Variants in IL1RAPL1 observed in about 807,000 individuals in gnomAD.
IL1RAPL1 encodes interleukin 1 receptor accessory protein like 1, also known as interleukin-1 receptor accessory protein-like 1.
IL1RAPL1 carries 3 observed loss-of-function variants against 48.4 expected under a neutral mutation model. The ratio of observed to expected loss-of-function variants is 0.06; its 90% CI spans 0.03 to 0.16. IL1RAPL1 has a LOEUF of 0.16. IL1RAPL1 is among the 10% of genes least tolerant of loss of function. The pLI is 1.00. For missense variants in IL1RAPL1, 349 were observed against 530.6 expected (o/e 0.66, Z 3.36); for synonymous variants, 185 against 187.7 (o/e 0.99, Z 0.12).
intron 2 of IL1RAPL1, among the ~76,000 whole-genome samples, chrX:28,793,182 A>C (rs73208029): frequency 9.1e-6 from 1 of 109,794 alleles, no homozygotes; most frequent in Non-Finnish European, 1.9e-5. Context: ...CATGTGAAAT[A>C]TTATAGCAAT....
chrX:29,690,211 T>C (rs1926737328), intron 6 of IL1RAPL1, among the ~76,000 whole-genome samples: 1 of 111,644 alleles, frequency 9.0e-6, no homozygotes, highest in Non-Finnish European at 1.9e-5. Flanking sequence ...GCAACATTTG[T>C]GGGAAATATG....
rs761339985 is a variant in IL1RAPL1, at chrX:29,396,528, T to G, written c.549+84T>G. 133 of 850,489 alleles carry G rather than the reference T, an allele frequency of 1.6e-4. 1 individual carries two copies. The highest frequency in any genetic ancestry group is 5.5e-4 in the Middle Eastern group (2 of 3,652). The allele number at this position is 850,489 out of a possible 1,213,427, so 70.1% of individuals were successfully genotyped here. On this transcript the variant is annotated intron_variant, in intron 4 of 10. Coordinates refer to ENST00000378993, the MANE Select transcript of IL1RAPL1 (RefSeq NM_014271.4). The stretch of plus-strand genomic sequence containing the variant: ...GGACAAATTGGATAGAAAACTTAGA[T>G]GGGTGTGATATAGTTTAGCTTTGCC...
intron 5 of IL1RAPL1, among the ~76,000 whole-genome samples, chrX:29,443,675 A>G (rs1360477216): frequency 8.9e-6 from 1 of 111,963 alleles, no homozygotes; most frequent in Non-Finnish European, 1.9e-5. Flanking sequence ...ATAGTAACTT[A>G]TATAATAATC....
intron 1 of IL1RAPL1, among the ~76,000 whole-genome samples, chrX:28,721,072 T>C (rs904531890): frequency 8.9e-6 from 1 of 112,288 alleles, no homozygotes. Flanking sequence ...CATGTGCTTT[T>C]ATAGCAGCAT....
intron 5 of IL1RAPL1, among the ~76,000 whole-genome samples, chrX:29,587,155 G>A (rs2147807469): frequency 9.0e-6 from 1 of 111,264 alleles, no homozygotes; most frequent in African/African-American, 3.3e-5. Flanking sequence ...AACAACAGAG[G>A]AGTTTAGTCA....
chrX:29,836,720 T>C (rs1931016061), intron 6 of IL1RAPL1, among the ~76,000 whole-genome samples: 1 of 111,722 alleles, frequency 9.0e-6, no homozygotes. Flanking sequence ...TTGATAGATT[T>C]TTTTTTCTAG....
intron 6 of IL1RAPL1, among the ~76,000 whole-genome samples, chrX:29,757,426 C>T (rs1322367697): frequency 8.9e-6 from 1 of 111,805 alleles, no homozygotes; most frequent in Non-Finnish European, 1.9e-5. Flanking sequence ...TATTCTGTTC[C>T]TCCATGAAAT....
intron 3 of IL1RAPL1, among the ~76,000 whole-genome samples, chrX:29,327,181 A>G (rs983478192): frequency 9.0e-6 from 1 of 111,115 alleles, no homozygotes; most frequent in Admixed American, 9.6e-5. Flanking sequence ...GTGATTTAAT[A>G]TGCAGCCAGA....
intron 6 of IL1RAPL1, among the ~76,000 whole-genome samples, chrX:29,803,591 ATG>A (rs747308595): frequency 1.5e-3 from 154 of 102,158 alleles, no homozygotes; most frequent in African/African-American, 5.0e-3. Flanking sequence ...GTATCCATAT[ATG>A]TGTGTGTATA....
intron 2 of IL1RAPL1, among the ~76,000 whole-genome samples, chrX:29,263,256 G>T (rs1479582730): frequency 1.8e-5 from 2 of 111,920 alleles, no homozygotes; most frequent in Middle Eastern, 4.6e-3. Flanking sequence ...AAGAAAGAAT[G>T]AAGGACTGAT....
At chrX:29,385,802 T>A (rs1480521295) in intron 3 of IL1RAPL1, among the ~76,000 whole-genome samples, 1 of 112,511 alleles carries the variant, frequency 8.9e-6, no homozygotes. Flanking sequence ...CTGCTATGAA[T>A]ATTGGTGTAC....
intron 2 of IL1RAPL1, among the ~76,000 whole-genome samples, chrX:28,807,070 T>C (rs1249933107): frequency 1.8e-5 from 2 of 111,189 alleles, no homozygotes; most frequent in Non-Finnish European, 3.8e-5. Flanking sequence ...GAATAGTAAT[T>C]TTGCTTTCTT....
At chrX:28,818,767 T>A (rs1303516581) in intron 2 of IL1RAPL1, among the ~76,000 whole-genome samples, 1 of 110,946 alleles carries the variant, frequency 9.0e-6, no homozygotes, top group Non-Finnish European at 1.9e-5. Context: ...CTTAAGTTCC[T>A]GAGCTAAATT....
At chrX:29,515,213 G>C (rs1368307642) in intron 5 of IL1RAPL1, among the ~76,000 whole-genome samples, 1 of 112,378 alleles carries the variant, frequency 8.9e-6, no homozygotes, top group African/African-American at 3.2e-5. Context: ...AATTGCAAAA[G>C]ACATTACAGA....
At chrX:29,722,166 CAT>C (rs1322788688) in intron 6 of IL1RAPL1, among the ~76,000 whole-genome samples, 1 of 111,633 alleles carries the variant, frequency 9.0e-6, no homozygotes, top group Non-Finnish European at 1.9e-5. Flanking sequence ...TACCTTCCCA[CAT>C]AGTTACCTTT....
At chrX:28,691,955 C>G (rs1935182633) in intron 1 of IL1RAPL1, among the ~76,000 whole-genome samples, 1 of 111,384 alleles carries the variant, frequency 9.0e-6, no homozygotes, top group South Asian at 3.9e-4. Flanking sequence ...AAGCATGGCA[C>G]TAGTATCTGC....
At chrX:29,056,758 T>C (rs773850689) in intron 2 of IL1RAPL1, among the ~76,000 whole-genome samples, 1 of 111,952 alleles carries the variant, frequency 8.9e-6, no homozygotes, top group South Asian at 3.7e-4. Flanking sequence ...CCATCATGCA[T>C]TAACTATTTT....
intron 2 of IL1RAPL1, among the ~76,000 whole-genome samples, chrX:28,860,926 C>G (rs967561888): frequency 9.0e-6 from 1 of 111,129 alleles, no homozygotes; most frequent in Non-Finnish European, 1.9e-5. Flanking sequence ...TAAACATTTA[C>G]GTTAGCCATG....
intron 3 of IL1RAPL1, among the ~76,000 whole-genome samples, chrX:29,390,891 C>T (rs1271822030): frequency 9.0e-6 from 1 of 111,575 alleles, no homozygotes; most frequent in Non-Finnish European, 1.9e-5. Context: ...TCTCTGATAG[C>T]GGCCAGGCAC....
Sources: allele counts gnomAD v4.1 joint callset (sites outside exome capture counted in the v4.1 genomes callset), GRCh38; gene constraint gnomAD v4.1.1; transcripts MANE v1.5; gene names NCBI Gene and HGNC (gene_info 2026-07-23, HGNC 2026-07-21).